The following MOCOS variants were observed in gnomAD, a reference collection of about 807,000 sequenced individuals.
MOCOS encodes the protein human molybdenum cofactor sulfurase.
Under a neutral mutation model 83.6 loss-of-function variants are expected in MOCOS, and 86 were observed. The ratio of observed to expected loss-of-function variants is 1.03; its 90% CI spans 0.86 to 1.23. The LOEUF is 1.23. MOCOS is among the 50% of genes most tolerant of loss of function. The pLI, the probability that MOCOS is intolerant of heterozygous loss-of-function variation, is 0.00. For synonymous variants in MOCOS, 445 were observed against 434.7 expected, an observed-to-expected ratio of 1.02 and a Z score of -0.29; for missense variants, 1,120 against 1,126.9, an observed-to-expected ratio of 0.99 and a Z score of 0.09.
intron 11 of MOCOS, among the ~76,000 whole-genome samples, chr18:36,251,748 A>G (rs2091623211): frequency 6.6e-6 from 1 of 152,032 alleles, no homozygotes; most frequent in Non-Finnish European, 1.5e-5. Context: ...AGTTTCCACA[A>G]TTTTTCCCAC....
Position 36,200,222 on chromosome 18 carries a change from G to A in MOCOS, c.839G>A (p.Arg280His), listed in dbSNP as rs141020986. ...TGLGALLVHN[R>H]AAPLLRKTYF... ...CTGGGCGCTCTGCTGGTCCATAATC[G>A]TGCGGCTCCTCTACTGAGGAAGACC... The change falls in exon 4 of 15, where the codon CGT becomes CAT. Residue 280 changes from arginine (R) to histidine (H), a missense_variant. Coordinates refer to ENST00000261326, the MANE Select transcript of MOCOS (RefSeq NM_017947.4). The A allele has an allele frequency of 2.9e-4, 462 of 1,614,052 alleles. No homozygotes were observed. The highest frequency in any genetic ancestry group is 3.7e-4 in the Non-Finnish European group (440 of 1,180,056).
At chr18:36,258,404 A>G (rs940291568) in intron 12 of MOCOS, among the ~76,000 whole-genome samples, 1 of 152,228 alleles carries the variant, frequency 6.6e-6, no homozygotes, top group African/African-American at 2.4e-5. Context: ...TTTATAACCC[A>G]GAGAGTTGAT....
At chr18:36,262,002 G>T (rs2091664958) in intron 13 of MOCOS, among the ~76,000 whole-genome samples, 1 of 152,056 alleles carries the variant, frequency 6.6e-6, no homozygotes, top group South Asian at 2.1e-4. Flanking sequence ...GCCTCTCCAG[G>T]TATCTCGAGA....
At chr18:36,228,545 C>G (rs2091526319) in intron 9 of MOCOS, among the ~76,000 whole-genome samples, 1 of 152,032 alleles carries the variant, frequency 6.6e-6, no homozygotes, top group Admixed American at 6.6e-5. Context: ...ATAGATGAAG[C>G]TGGAGGCCAT....
chr18:36,207,288 C>A (rs2091438387), intron 6 of MOCOS, among the ~76,000 whole-genome samples: 1 of 152,204 alleles, frequency 6.6e-6, no homozygotes, highest in Non-Finnish European at 1.5e-5. Context: ...CCACCTGCCT[C>A]AGCCTCCCAA....
At chr18:36,203,064 G>T (rs2091420638) in intron 4 of MOCOS, 49 bp from the exon 5 acceptor site, 3 of 1,546,222 alleles carry the variant, frequency 1.9e-6, no homozygotes, top group Non-Finnish European at 2.7e-6. Flanking sequence ...AATGCACATG[G>T]ATTGTTTTGA....
intron 9 of MOCOS, among the ~76,000 whole-genome samples, chr18:36,228,718 ATAAC>A (rs1256143882): frequency 6.6e-6 from 1 of 152,134 alleles, no homozygotes; most frequent in Non-Finnish European, 1.5e-5. Flanking sequence ...ATCAGGAAAA[ATAAC>A]TAATGAGTAT....
At chr18:36,257,915 G>A (rs564746156) in intron 12 of MOCOS, among the ~76,000 whole-genome samples, 44 of 152,168 alleles carry the variant, frequency 2.9e-4, no homozygotes, top group African/African-American at 4.6e-4. Context: ...CACCTCGTCC[G>A]CCTCTGCAGG....
intron 2 of MOCOS, among the ~76,000 whole-genome samples, chr18:36,196,491 C>T (rs955775902): frequency 2.0e-5 from 3 of 152,022 alleles, no homozygotes; most frequent in Non-Finnish European, 2.9e-5. Flanking sequence ...GAGCCCAAGC[C>T]CTTAGCCTCC....
chr18:36,257,514 C>T (rs1403830734), intron 12 of MOCOS, among the ~76,000 whole-genome samples: 1 of 152,046 alleles, frequency 6.6e-6, no homozygotes, highest in Non-Finnish European at 1.5e-5. Flanking sequence ...TAATTGCAGG[C>T]ACACTTTATT....
chr18:36,215,017 G>A (rs544814535), intron 7 of MOCOS, among the ~76,000 whole-genome samples: 33 of 152,196 alleles, frequency 2.2e-4, no homozygotes, highest in South Asian at 4.1e-4. Context: ...ACAGTGGCCC[G>A]GGGCTGGTCA....
chr18:36,259,007 G>A (rs138624044), intron 12 of MOCOS, among the ~76,000 whole-genome samples: 190 of 150,362 alleles, frequency 1.3e-3, no homozygotes, highest in Non-Finnish European at 2.2e-3. Flanking sequence ...ACTTAATATG[G>A]TGGGATCATA....
intron 12 of MOCOS, among the ~76,000 whole-genome samples, chr18:36,257,429 C>G (rs2091645790): frequency 6.6e-6 from 1 of 152,132 alleles, no homozygotes; most frequent in African/African-American, 2.4e-5. Context: ...TCCCCTGTCC[C>G]CGAGGATCTC....
At chr18:36,235,952 T>C (rs1447593708) in intron 9 of MOCOS, among the ~76,000 whole-genome samples, 2 of 151,958 alleles carry the variant, frequency 1.3e-5, no homozygotes, top group South Asian at 2.1e-4. Flanking sequence ...TCTGTTCATG[T>C]CCTTCGCCCA....
chr18:36,189,286 G>C (rs1728001496), intron 1 of MOCOS, among the ~76,000 whole-genome samples: 1 of 152,126 alleles, frequency 6.6e-6, no homozygotes, highest in Non-Finnish European at 1.5e-5. Flanking sequence ...ACCACTTACT[G>C]TATGTCTGGT....
chr18:36,240,871 A>G (rs2091579534), intron 9 of MOCOS, among the ~76,000 whole-genome samples: 1 of 152,176 alleles, frequency 6.6e-6, no homozygotes, highest in Non-Finnish European at 1.5e-5. Flanking sequence ...AAAGCGCAGT[A>G]TTCGGGTGGG....
At chr18:36,251,876 G>A (rs561907093) in intron 11 of MOCOS, among the ~76,000 whole-genome samples, 1 of 152,276 alleles carries the variant, frequency 6.6e-6, no homozygotes, top group South Asian at 2.1e-4. Flanking sequence ...CACCTCCTTA[G>A]GGAAGCCTGG....
At position 36,268,811 on chromosome 18, in the gene MOCOS, G is replaced by A; in HGVS notation, c.*126G>A. 1 of 799,948 alleles carries A rather than the reference G, an allele frequency of 1.3e-6. No individual in the cohort carries two copies. Among genetic ancestry groups the A allele is most frequent in the Admixed American group, 2.3e-5 (1 of 44,398 alleles). 49.6% of individuals were successfully genotyped at this position (799,948 alleles called of 1,614,324 possible). ...CTCTTTTTCTTTAGAGGCAGGGAAT[G>A]CTCTCACCTGCTTCCTTCTGCCTTT... On this transcript the variant is annotated 3_prime_UTR_variant, in exon 15 of 15. Coordinates refer to ENST00000261326, the MANE Select transcript of MOCOS (RefSeq NM_017947.4).
chr18:36,224,373 TAAGAGA>T (rs1383053154), intron 9 of MOCOS, among the ~76,000 whole-genome samples: 1 of 152,188 alleles, frequency 6.6e-6, no homozygotes, highest in African/African-American at 2.4e-5. Flanking sequence ...TTCCTGATCT[TAAGAGA>T]AAAAGTTTTC....
Sources: gnomAD v4.1 joint callset for allele counts (sites outside exome capture counted in the v4.1 genomes callset) on GRCh38, gnomAD v4.1.1 for gene constraint, MANE v1.5 for transcripts, NCBI Gene and HGNC (gene_info 2026-07-23, HGNC 2026-07-21) for gene names.